Variants in CISD2 observed in about 807,000 individuals in gnomAD.
CISD2 encodes the protein CDGSH iron sulfur domain 2.
In CISD2, 1 loss-of-function variant was observed where a neutral mutation model predicts 12.9. The ratio of observed to expected loss-of-function variants is 0.08; its 90% CI spans 0.03 to 0.37. CISD2 has a LOEUF of 0.37. Among genes scored for constraint, CISD2 ranks in the 10% least tolerant of loss-of-function variants. CISD2 has a pLI of 0.99. For synonymous variants in CISD2, 50 were observed against 60.6 expected, an observed-to-expected ratio of 0.83 and a Z score of 0.81; for missense variants, 97 against 163.1, an observed-to-expected ratio of 0.59 and a Z score of 2.21.
chr4:102,891,193 T>C lies in CISD2; in HGVS notation c.*3763T>C, dbSNP rs1734231085. Reference sequence around the variant, plus strand: ...AAGTGGTAATTGAAAAAGTCTTCTTTTTAAAAAATTTTTAATGGTAGAGGC... The same window carrying C: ...AAGTGGTAATTGAAAAAGTCTTCTTCTTAAAAAATTTTTAATGGTAGAGGC... On this transcript the variant is annotated 3_prime_UTR_variant, in exon 3 of 3. Coordinates refer to ENST00000273986, the MANE Select transcript of CISD2 (RefSeq NM_001008388.5). 1 of 147,260 alleles carries C rather than the reference T, an allele frequency of 6.8e-6. No individual in the cohort carries two copies. Among genetic ancestry groups the C allele is most frequent in the Admixed American group, 6.7e-5 (1 of 14,978 alleles). 9.1% of individuals were successfully genotyped at this position (147,260 alleles called of 1,614,324 possible). A position where few individuals can be genotyped will look rare whatever the true frequency, so the allele number is the denominator to read the frequency against.
chr4:102,877,258 C>T (rs1012788053), intron 1 of CISD2, among the ~76,000 whole-genome samples: 1 of 152,156 alleles, frequency 6.6e-6, no homozygotes, highest in Non-Finnish European at 1.5e-5. Context: ...TAAAATAAAA[C>T]ATAAGTTAGT....
intron 1 of CISD2, among the ~76,000 whole-genome samples, chr4:102,884,459 C>T (rs373169791): frequency 6.6e-6 from 1 of 152,108 alleles, no homozygotes; most frequent in East Asian, 1.9e-4. Flanking sequence ...AGAAAAGAGC[C>T]CAGCAGAGGC....
intron 1 of CISD2, chr4:102,874,525 A>C (rs1439405819): frequency 2.0e-5 from 3 of 152,198 alleles, no homozygotes; most frequent in East Asian, 1.9e-4. Flanking sequence ...TTGGGCACAC[A>C]CAAAGGGAGA....
chr4:102,873,143 C>T (rs939024945), intron 1 of CISD2, among the ~76,000 whole-genome samples: 1 of 152,318 alleles, frequency 6.6e-6, no homozygotes, highest in South Asian at 2.1e-4. Context: ...CCAATTACCT[C>T]CACCTGGTCT....
chr4:102,885,479 G>A, intron 2 of CISD2, 49 bp downstream of exon 2: 1 of 1,419,360 alleles, frequency 7.0e-7, no homozygotes, highest in South Asian at 1.2e-5. Flanking sequence ...TGCTAGGATT[G>A]TTTCGCCTCT....
At chr4:102,880,913 T>A (rs1409125799) in intron 1 of CISD2, among the ~76,000 whole-genome samples, 2 of 151,042 alleles carry the variant, frequency 1.3e-5, no homozygotes, top group African/African-American at 2.4e-5. Flanking sequence ...GAGAATCGCT[T>A]GAACCCGGGC....
At chr4:102,880,808 C>A (rs1204025316) in intron 1 of CISD2, among the ~76,000 whole-genome samples, 2 of 151,888 alleles carry the variant, frequency 1.3e-5, no homozygotes, top group Non-Finnish European at 2.9e-5. Flanking sequence ...ACCTGACCAA[C>A]ACGGTGAAAC....
rs562831138 is a variant in CISD2 at position 102,869,995 on chromosome 4, A to G, written c.103+808A>G. The stretch of plus-strand genomic sequence containing the variant: ...ACTTGGGAGATTGTGTTGAGTTATG[A>G]GCATTTCATTGTAAGGGGGATATTT... On this transcript the variant is annotated intron_variant, in intron 1 of 2. Coordinates refer to ENST00000273986, the MANE Select transcript of CISD2 (RefSeq NM_001008388.5). Among the ~76,000 whole-genome samples the G allele has an allele frequency of 3.9e-5, 6 of 152,298 alleles. No homozygotes were observed. In the South Asian group the frequency reaches 1.2e-3, roughly 32 times the overall value.
chr4:102,881,879 C>T (rs1733728004), intron 1 of CISD2, among the ~76,000 whole-genome samples: 1 of 152,048 alleles, frequency 6.6e-6, no homozygotes, highest in Non-Finnish European at 1.5e-5. Context: ...ATAGGAAATG[C>T]TATATTTAAG....
chr4:102,881,450 A>G (rs1733719802), intron 1 of CISD2, among the ~76,000 whole-genome samples: 1 of 152,254 alleles, frequency 6.6e-6, no homozygotes, highest in African/African-American at 2.4e-5. Flanking sequence ...AATATAAATA[A>G]ATGATAAATG....
At chr4:102,880,378 T>C (rs1733686716) in intron 1 of CISD2, among the ~76,000 whole-genome samples, 1 of 152,148 alleles carries the variant, frequency 6.6e-6, no homozygotes. Context: ...AAAAATGCAA[T>C]ATAGCCTTAT....
intron 1 of CISD2, 155 bp downstream of exon 1, chr4:102,869,342 G>C: frequency 9.9e-7 from 1 of 1,008,028 alleles, no homozygotes; most frequent in Non-Finnish European, 1.5e-6. Context: ...CGACGCAGCT[G>C]CCTGGGGAAC....
In CISD2 at chr4:102,887,224, A is replaced by G. The variant is rs112498106; in HGVS notation, c.319-117A>G. The G allele has an allele frequency of 6.6e-3, 4,395 of 670,410 alleles. 114 individuals are homozygous for G. Among genetic ancestry groups the G allele is most frequent in the African/African-American group, 0.061 (3,392 of 55,496 alleles). 41.5% of individuals were successfully genotyped at this position (670,410 alleles called of 1,614,324 possible). A position where few individuals can be genotyped will look rare whatever the true frequency, so the allele number is the denominator to read the frequency against. ...GTAGAATGTAACTATTACTCAGGAA[A>G]ACGATCTGATTTTTTTTAGCAAGTG... On this transcript the variant is annotated intron_variant, in intron 2 of 2. Transcript: ENST00000273986.
At chr4:102,874,434 C>A (rs1259043995) in intron 1 of CISD2, 1 of 152,120 alleles carries the variant, frequency 6.6e-6, no homozygotes, top group African/African-American at 2.4e-5. Flanking sequence ...ACACAATATA[C>A]CCATATGACA....
At position 102,869,025 on chromosome 4, in the gene CISD2, G is replaced by T; in HGVS notation, c.-60G>T. The T allele has an allele frequency of 6.6e-7, 1 of 1,516,006 alleles. No individual in the cohort carries two copies. Among genetic ancestry groups the T allele is most frequent in the Non-Finnish European group, 8.8e-7 (1 of 1,130,846 alleles). The allele number at this position is 1,516,006 out of a possible 1,614,324, so 93.9% of individuals were successfully genotyped here. ...CCGGCCGCTTCCGCTCCCGGCGCAG[G>T]CGCGGCAGCTTGGCCAGAGCGGAGG... On this transcript the variant is annotated 5_prime_UTR_variant, in exon 1 of 3. Transcript: ENST00000273986.
chr4:102,872,956 A>G (rs1185157016), intron 1 of CISD2, among the ~76,000 whole-genome samples: 2 of 152,206 alleles, frequency 1.3e-5, no homozygotes, highest in African/African-American at 4.8e-5. Flanking sequence ...ATGGCTGGGG[A>G]GGCCTTAGGA....
At position 102,885,334 on chromosome 4, in the gene CISD2, A is replaced by C; in HGVS notation, c.222A>C (p.Lys74Asn). The C allele has an allele frequency of 6.2e-7, 1 of 1,614,116 alleles. No homozygotes were observed. Among genetic ancestry groups the C allele is most frequent in the Non-Finnish European group, 8.5e-7 (1 of 1,179,946 alleles). Residue 74 changes from lysine to asparagine, a missense_variant, in exon 2 of 3, where the codon AAA becomes AAC. Lys to Asn is a moderately conservative substitution (Grantham distance 94). This residue lies in a region of CISD2 where 89 missense variants were observed against 114.4 expected (regional missense o/e 0.78). Transcript: ENST00000273986. ...KQQKDSLINLKIQKENPKVVN... is the reference protein window; with the variant it reads ...KQQKDSLINLNIQKENPKVVN... ...AGAAGGATAGCTTGATTAATCTTAA[A>C]ATACAAAAGGAAAATCCGAAAGTAG...
intron 1 of CISD2, among the ~76,000 whole-genome samples, chr4:102,870,810 ATACT>A (rs373512048): frequency 1.0e-3 from 155 of 152,282 alleles, no homozygotes; most frequent in African/African-American, 3.4e-3. Context: ...TAACAACTAA[ATACT>A]TATTTTAGTT....
Position 102,890,566 on chromosome 4 carries a change from G to A in CISD2, c.*3136G>A, listed in dbSNP as rs1734189812. 6.6e-6 allele frequency: 1 copy of A among 152,042 alleles called. No homozygotes were observed. Among genetic ancestry groups the A allele is most frequent in the African/African-American group, 2.4e-5 (1 of 41,388 alleles). The allele number at this position is 152,042 out of a possible 1,614,324, so 9.4% of individuals were successfully genotyped here. ...GAAATGAGTGCCTCATTGGCTTGGT[G>A]CAGTGACGACACACCTGTAATCTCA... On this transcript the variant is annotated 3_prime_UTR_variant, in exon 3 of 3. Transcript: ENST00000273986.
Sources: gnomAD v4.1 joint callset for allele counts (sites outside exome capture counted in the v4.1 genomes callset) on GRCh38, gnomAD v4.1.1 for gene constraint, gnomAD v4.1.1 regional missense constraint, MANE v1.5 for transcripts, NCBI Gene and HGNC (gene_info 2026-07-23, HGNC 2026-07-21) for gene names.